DLGAP2: variants seen among roughly 807,000 people sequenced by gnomAD.
DLGAP2 encodes DLG associated protein 2.
Under a neutral mutation model 100.3 loss-of-function variants are expected in DLGAP2, and 26 were observed. That is an observed-to-expected ratio of 0.26 (90% CI 0.19 to 0.36). The LOEUF (loss-of-function observed/expected upper bound fraction) is 0.36. Among genes scored for constraint, DLGAP2 ranks in the 10% least tolerant of loss-of-function variants. The probability of loss-of-function intolerance (pLI) is 1.00; values close to 1 mark genes in which losing one functional copy is unlikely to be tolerated. For synonymous variants in DLGAP2, 886 were observed against 630.1 expected (o/e 1.41, Z -6.08); for missense variants, 1,858 against 1,453.2 (o/e 1.28, Z -4.53).
chr8:1,668,432 C>A lies in DLGAP2; in HGVS notation c.1914C>A (p.Thr638=), dbSNP rs562203369. The change falls in exon 9 of 15, where the codon ACC becomes ACA. Residue 638 remains threonine, a synonymous_variant. Coordinates refer to ENST00000637795, the MANE Select transcript of DLGAP2 (RefSeq NM_001346810.2). ...CGGCGCAGAGCAGCACCGAATCCAC[C>A]CAGGACGCCTACCAGGACAGCCGCG... ...SVTAQSSTES[T]QDAYQDSRAQ... 6.2e-7 allele frequency: 1 copy of A among 1,602,798 alleles called. No homozygotes were observed. Among genetic ancestry groups the A allele is most frequent in the East Asian group, 2.3e-5 (1 of 44,106 alleles).
chr8:1,112,004 A>G (rs1369081848), intron 2 of DLGAP2, among the ~76,000 whole-genome samples: 1 of 152,024 alleles, frequency 6.6e-6, no homozygotes, highest in East Asian at 1.9e-4. Context: ...ACAGGGGTTG[A>G]ACTACTTTAC....
At chr8:1,080,221 C>G (rs550034338) in intron 2 of DLGAP2, among the ~76,000 whole-genome samples, 3 of 152,372 alleles carry the variant, frequency 2.0e-5, no homozygotes, top group South Asian at 4.1e-4. Context: ...AGCTTGCTGT[C>G]AGGCACTCAG....
At chr8:855,781 G>A (rs927265637) in intron 1 of DLGAP2, among the ~76,000 whole-genome samples, 2 of 152,200 alleles carry the variant, frequency 1.3e-5, no homozygotes, top group African/African-American at 2.4e-5. Context: ...CATCGCATCA[G>A]CAGGCTAAAG....
At chr8:1,459,735 G>A (rs142509454) in intron 3 of DLGAP2, among the ~76,000 whole-genome samples, 41 of 137,892 alleles carry the variant, frequency 3.0e-4, no homozygotes, top group African/African-American at 9.4e-4. Context: ...ACCCATGCTG[G>A]AGTGCAGTGG....
intron 2 of DLGAP2, among the ~76,000 whole-genome samples, chr8:1,231,897 A>G (rs952630207): frequency 5.3e-5 from 8 of 152,146 alleles, no homozygotes; most frequent in Non-Finnish European, 1.2e-4. Flanking sequence ...CCCAAATCTC[A>G]GCATCCTACA....
Position 881,496 on chromosome 8 carries a change from C to T in DLGAP2, c.19-26416C>T, listed in dbSNP as rs113603411. Among the ~76,000 whole-genome samples, 34 of 85,630 alleles carry T rather than the reference C, an allele frequency of 4.0e-4. 9 individuals are homozygous for T. Among genetic ancestry groups the T allele is most frequent in the Non-Finnish European group, 3.8e-4 (16 of 41,768 alleles). The allele number at this position is 85,630 out of a possible 152,430, so 56.2% of individuals were successfully genotyped here. ...ATCCTCTCCTTACCATTTCATCTCT[C>T]TTTTTTTTTTTTTTTTTTTTTGAGA... On this transcript the variant is annotated intron_variant, in intron 1 of 14. Transcript: ENST00000637795.
intron 2 of DLGAP2, among the ~76,000 whole-genome samples, chr8:1,191,084 G>A (rs1014995581): frequency 6.6e-6 from 1 of 152,098 alleles, no homozygotes; most frequent in Non-Finnish European, 1.5e-5. Context: ...CTGAAGCTTT[G>A]AAGTGTTTGA....
intron 3 of DLGAP2, chr8:1,300,312 C>T (rs1035020220): frequency 6.6e-6 from 1 of 152,092 alleles, no homozygotes; most frequent in Non-Finnish European, 1.5e-5. Context: ...GTACTTGGAC[C>T]CTCCAGGGGA....
intron 3 of DLGAP2, among the ~76,000 whole-genome samples, chr8:1,329,587 T>G (rs1801102067): frequency 6.6e-6 from 1 of 152,212 alleles, no homozygotes; most frequent in Non-Finnish European, 1.5e-5. Context: ...GCTTACTGAC[T>G]ACTCCGTCCT....
chr8:785,032 C>T (rs1217634488), intron 1 of DLGAP2, among the ~76,000 whole-genome samples: 1 of 151,638 alleles, frequency 6.6e-6, no homozygotes, highest in Non-Finnish European at 1.5e-5. Context: ...ATGGTGAAAC[C>T]CCCTCTCTAC....
At chr8:944,386 T>C (rs1474681257) in intron 2 of DLGAP2, among the ~76,000 whole-genome samples, 1 of 151,978 alleles carries the variant, frequency 6.6e-6, no homozygotes, top group East Asian at 1.9e-4. Context: ...TGGTAACCAA[T>C]CCCTGTGGGT....
chr8:987,805 T>G (rs1235229395), intron 2 of DLGAP2, among the ~76,000 whole-genome samples: 1 of 152,200 alleles, frequency 6.6e-6, no homozygotes, highest in Non-Finnish European at 1.5e-5. Context: ...TCCTGTGTGC[T>G]GGCTTCTTCC....
intron 2 of DLGAP2, among the ~76,000 whole-genome samples, chr8:1,071,044 C>T (rs1803412824): frequency 6.6e-6 from 1 of 152,174 alleles, no homozygotes; most frequent in Non-Finnish European, 1.5e-5. Flanking sequence ...CCTCACTGAG[C>T]AGAATGAGGG....
At chr8:942,095 C>A (rs1172354645) in intron 2 of DLGAP2, among the ~76,000 whole-genome samples, 1 of 152,126 alleles carries the variant, frequency 6.6e-6, no homozygotes, top group East Asian at 1.9e-4. Flanking sequence ...TCACTGGGAC[C>A]ACAGGTGCAT....
At chr8:1,437,748 A>T (rs1224913250) in intron 3 of DLGAP2, among the ~76,000 whole-genome samples, 2 of 141,524 alleles carry the variant, frequency 1.4e-5, no homozygotes, top group African/African-American at 5.3e-5. Context: ...CAGGTGGATC[A>T]TTTGAGGTCA....
chr8:965,147 C>G (rs1369090770), intron 2 of DLGAP2, among the ~76,000 whole-genome samples: 1 of 149,582 alleles, frequency 6.7e-6, no homozygotes, highest in African/African-American at 2.5e-5. Context: ...CTGTTCACCT[C>G]ACAGGGCTCC....
intron 2 of DLGAP2, among the ~76,000 whole-genome samples, chr8:968,784 T>C (rs1323121217): frequency 6.6e-6 from 1 of 152,194 alleles, no homozygotes; most frequent in Non-Finnish European, 1.5e-5. Flanking sequence ...TCAGTAGGGT[T>C]CCTGGAAGCT....
At chr8:1,005,616 C>T (rs1458649177) in intron 2 of DLGAP2, among the ~76,000 whole-genome samples, 1 of 148,216 alleles carries the variant, frequency 6.7e-6, no homozygotes, top group African/African-American at 2.5e-5. Context: ...GATGAAGTTT[C>T]AATTTGTTGC....
intron 3 of DLGAP2, among the ~76,000 whole-genome samples, chr8:1,412,271 C>T (rs1400829595): frequency 3.3e-5 from 5 of 152,206 alleles, no homozygotes; most frequent in African/African-American, 1.2e-4. Context: ...ACTCTGCAGC[C>T]TGCTTGTCTT....
Sources: allele counts gnomAD v4.1 joint callset (sites outside exome capture counted in the v4.1 genomes callset), GRCh38; gene constraint gnomAD v4.1.1; transcripts MANE v1.5; gene names NCBI Gene and HGNC (gene_info 2026-07-23, HGNC 2026-07-21).